Variants in CFAP58 observed in about 807,000 individuals in gnomAD.
CFAP58 encodes the protein cilia and flagella associated protein 58.
Under a neutral mutation model 119.5 loss-of-function variants are expected in CFAP58, and 88 were observed. The ratio of observed to expected loss-of-function variants is 0.74; its 90% CI spans 0.62 to 0.88. The LOEUF (loss-of-function observed/expected upper bound fraction) is 0.88. Among genes scored for constraint, CFAP58 ranks in the 40% least tolerant of loss-of-function variants. The probability of loss-of-function intolerance (pLI) is 0.00; values close to 1 mark genes in which losing one functional copy is unlikely to be tolerated. For synonymous variants in CFAP58, 365 were observed against 366.3 expected (o/e 1.00, Z 0.04); for missense variants, 990 against 1,021.2 (o/e 0.97, Z 0.42).
At chr10:104,412,807 G>T (rs573831962) in intron 15 of CFAP58, among the ~76,000 whole-genome samples, 1 of 152,274 alleles carries the variant, frequency 6.6e-6, no homozygotes, top group East Asian at 1.9e-4. Flanking sequence ...CCCAGTGCCT[G>T]ATACAGTACT....
At chr10:104,376,432 G>A (rs536507265) in intron 7 of CFAP58, among the ~76,000 whole-genome samples, 162 of 150,830 alleles carry the variant, frequency 1.1e-3, no homozygotes, top group Non-Finnish European at 1.4e-3. Context: ...TTGAACCTGG[G>A]AGGCGGAGGT....
chr10:104,408,860 A>G (rs1252929212), intron 15 of CFAP58, among the ~76,000 whole-genome samples: 2 of 152,106 alleles, frequency 1.3e-5, no homozygotes, highest in Admixed American at 1.3e-4. Flanking sequence ...GCGCGTTGGG[A>G]GGCCAAGTGG....
chr10:104,399,389 C>T lies in CFAP58; in HGVS notation c.1704C>T (p.Ala568=), dbSNP rs1303951586. The change falls in exon 12 of 18, where the codon GCC becomes GCT. Residue 568 remains alanine, a synonymous_variant. Transcript: ENST00000369704. ...AGCTGCAGAAGCTGAGACAACAAGC[C>T]CTGGAGACAAAACACTTTATTGAAA... ...KAELQKLRQQ[A]LETKHFIEKQ... 16 of 1,613,610 alleles carry T rather than the reference C, an allele frequency of 9.9e-6. No homozygotes were observed. The highest frequency in any genetic ancestry group is 1.3e-5 in the Non-Finnish European group (15 of 1,179,844).
intron 15 of CFAP58, among the ~76,000 whole-genome samples, chr10:104,435,327 C>T (rs796090212): frequency 2.6e-5 from 4 of 152,260 alleles, no homozygotes; most frequent in African/African-American, 9.6e-5. Flanking sequence ...ACCAAAAATA[C>T]AAAAATATTA....
chr10:104,416,644 C>T (rs1030426747), intron 15 of CFAP58, among the ~76,000 whole-genome samples: 10 of 152,152 alleles, frequency 6.6e-5, no homozygotes, highest in Non-Finnish European at 1.5e-4. Context: ...GATTATCTTA[C>T]ATTTGTTTAA....
At chr10:104,447,854 C>A (rs1270983928) in intron 16 of CFAP58, 37 bp downstream of exon 16, 1 of 1,562,750 alleles carries the variant, frequency 6.4e-7, no homozygotes, top group Non-Finnish European at 8.7e-7. Context: ...GGTTCCAGGG[C>A]AGCCACACTC....
At chr10:104,383,786 A>G (rs1276901825) in intron 9 of CFAP58, among the ~76,000 whole-genome samples, 1 of 150,118 alleles carries the variant, frequency 6.7e-6, no homozygotes, top group Non-Finnish European at 1.5e-5. Flanking sequence ...ACACACACTC[A>G]TTCTCACAAA....
intron 15 of CFAP58, 25 bp downstream of exon 15, chr10:104,406,818 A>G (rs1325620900): frequency 7.7e-6 from 12 of 1,554,522 alleles, no homozygotes; most frequent in Non-Finnish European, 1.1e-5. Flanking sequence ...TTCTGTACTC[A>G]TTGTACAAGT....
At chr10:104,364,084 T>G (rs1211079048) in intron 3 of CFAP58, among the ~76,000 whole-genome samples, 9 of 152,252 alleles carry the variant, frequency 5.9e-5, no homozygotes, top group Admixed American at 5.9e-4. Context: ...AATTTTGTTC[T>G]TTGTAACATT....
chr10:104,377,287 T>C (rs199736019), intron 8 of CFAP58, among the ~76,000 whole-genome samples: 1 of 152,210 alleles, frequency 6.6e-6, no homozygotes, highest in East Asian at 1.9e-4. Flanking sequence ...GAATTTTAGC[T>C]CTGAGGTGTT....
At chr10:104,391,765 C>T (rs1273834560) in intron 9 of CFAP58, among the ~76,000 whole-genome samples, 2 of 152,116 alleles carry the variant, frequency 1.3e-5, no homozygotes, top group South Asian at 2.1e-4. Flanking sequence ...GGCAAGATAG[C>T]GTTATGATTG....
intron 15 of CFAP58, among the ~76,000 whole-genome samples, chr10:104,427,918 T>C (rs2012776018): frequency 6.6e-6 from 1 of 152,194 alleles, no homozygotes; most frequent in Non-Finnish European, 1.5e-5. Context: ...TTTGGCTTTT[T>C]CCTGAAGTGG....
At chr10:104,450,847 CT>C in intron 17 of CFAP58, among the ~76,000 whole-genome samples, 1 of 151,926 alleles carries the variant, frequency 6.6e-6, no homozygotes, top group African/African-American at 2.4e-5. Context: ...TCCTGCCTGC[CT>C]AGGTTTTTAG....
At chr10:104,453,978 T>A (rs576462359) in intron 17 of CFAP58, among the ~76,000 whole-genome samples, 1 of 152,306 alleles carries the variant, frequency 6.6e-6, no homozygotes, top group South Asian at 2.1e-4. Context: ...CCAAGTTTGA[T>A]GAAGATACCT....
chr10:104,360,648 G>A (rs551933734), intron 2 of CFAP58, among the ~76,000 whole-genome samples: 109 of 152,106 alleles, frequency 7.2e-4, no homozygotes, highest in African/African-American at 2.6e-3. Context: ...TTCACCCTCC[G>A]AAAGGCCCCA....
chr10:104,369,216 A>G (rs564943712), intron 6 of CFAP58, among the ~76,000 whole-genome samples: 4 of 152,350 alleles, frequency 2.6e-5, no homozygotes, highest in African/African-American at 9.6e-5. Context: ...TACTGGATGT[A>G]AAAAGAGTGG....
Position 104,399,512 on chromosome 10 carries a change from C to G in CFAP58, c.1815+12C>G, listed in dbSNP as rs1183898013. 6.2e-7 allele frequency: 1 copy of G among 1,612,044 alleles called. No homozygotes were observed. The highest frequency in any genetic ancestry group is 1.7e-5 in the Admixed American group (1 of 59,726). On this transcript the variant is annotated intron_variant, in intron 12 of 17. Coordinates refer to ENST00000369704, the MANE Select transcript of CFAP58 (RefSeq NM_001008723.2). ...AGGAATTAGACCAGGTAGAGCATCT[C>G]CTTGTCAGACTTGCAGACCTTGTCA...
intron 15 of CFAP58, among the ~76,000 whole-genome samples, chr10:104,410,856 T>A (rs2012448754): frequency 1.3e-5 from 2 of 152,184 alleles, no homozygotes; most frequent in South Asian, 4.1e-4. Context: ...TATTCTTTTT[T>A]CCTATTTACT....
At chr10:104,391,824 G>A (rs1188074902) in intron 9 of CFAP58, among the ~76,000 whole-genome samples, 1 of 152,188 alleles carries the variant, frequency 6.6e-6, no homozygotes, top group African/African-American at 2.4e-5. Context: ...AACTTTATAA[G>A]CAGCCAGTGT....
Sources: allele counts gnomAD v4.1 joint callset (sites outside exome capture counted in the v4.1 genomes callset), GRCh38; gene constraint gnomAD v4.1.1; transcripts MANE v1.5; gene names NCBI Gene and HGNC (gene_info 2026-07-23, HGNC 2026-07-21).